The following NXPH1 variants were observed in gnomAD, a reference collection of about 807,000 sequenced individuals.
NXPH1 encodes neurexophilin-1.
NXPH1 carries 5 observed loss-of-function variants against 23.7 expected under a neutral mutation model. That is an observed-to-expected ratio of 0.21 (90% CI 0.11 to 0.44). The LOEUF is 0.44. Ranked by LOEUF, NXPH1 falls within the 20% of genes least tolerant of loss-of-function variation. The probability of loss-of-function intolerance (pLI) is 0.99; values close to 1 mark genes in which losing one functional copy is unlikely to be tolerated. For synonymous variants in NXPH1, 144 were observed against 122.2 expected (o/e 1.18, Z -1.18); for missense variants, 324 against 321.6 (o/e 1.01, Z -0.06).
intron 2 of NXPH1, chr7:8,690,447 G>C (rs1396521333): frequency 6.6e-6 from 1 of 152,112 alleles, no homozygotes; most frequent in Non-Finnish European, 1.5e-5. Flanking sequence ...TCTATGATTA[G>C]TATTTTTAGT....
At chr7:8,548,930 G>C (rs1031202907) in intron 2 of NXPH1, among the ~76,000 whole-genome samples, 3 of 151,580 alleles carry the variant, frequency 2.0e-5, no homozygotes. Context: ...TTAAATGGTA[G>C]TTAAGATTCA....
chr7:8,525,143 G>A (rs1259600929), intron 2 of NXPH1, among the ~76,000 whole-genome samples: 1 of 152,194 alleles, frequency 6.6e-6, no homozygotes, highest in Non-Finnish European at 1.5e-5. Context: ...TTAGGGTGAG[G>A]TGGTCTCAGA....
intron 2 of NXPH1, among the ~76,000 whole-genome samples, chr7:8,717,885 T>C (rs1779902532): frequency 9.9e-6 from 1 of 101,348 alleles, no homozygotes; most frequent in South Asian, 3.6e-4. Flanking sequence ...TGTATTCTTC[T>C]CTCTGTGTGT....
At chr7:8,541,818 A>G (rs1384789032) in intron 2 of NXPH1, among the ~76,000 whole-genome samples, 1 of 151,668 alleles carries the variant, frequency 6.6e-6, no homozygotes, top group Non-Finnish European at 1.5e-5. Context: ...TGATAAGTTA[A>G]AGATGTATAG....
chr7:8,518,386 T>C (rs950076075), intron 2 of NXPH1, among the ~76,000 whole-genome samples: 1 of 152,166 alleles, frequency 6.6e-6, no homozygotes, highest in Non-Finnish European at 1.5e-5. Flanking sequence ...ATTTTCAAGG[T>C]ATTTTATTAT....
At chr7:8,599,472 A>G (rs2128627040) in intron 2 of NXPH1, among the ~76,000 whole-genome samples, 1 of 151,946 alleles carries the variant, frequency 6.6e-6, no homozygotes, top group Admixed American at 6.6e-5. Flanking sequence ...ATAGTATTCA[A>G]TTTTCTTGGC....
At chr7:8,492,667 C>G (rs1040476795) in intron 2 of NXPH1, among the ~76,000 whole-genome samples, 3 of 151,964 alleles carry the variant, frequency 2.0e-5, no homozygotes, top group African/African-American at 7.2e-5. Flanking sequence ...ATCATCATCA[C>G]TGCTATGACA....
chr7:8,646,083 T>C lies in NXPH1; in HGVS notation c.55-104925T>C, dbSNP rs566100667. Among the ~76,000 whole-genome samples the C allele has an allele frequency of 1.6e-4, 25 of 152,280 alleles. No individual in the cohort carries two copies. The South Asian group carries it at 3.1e-3, about 19-fold the overall frequency. The stretch of plus-strand genomic sequence containing the variant: ...ATTAATGAATTTTGAAAAATTGACA[T>C]CTTTTACATATTATCATCCTATCCA... On this transcript the variant is annotated intron_variant, in intron 2 of 2. Transcript: ENST00000405863.
At chr7:8,538,282 C>A (rs1268689143) in intron 2 of NXPH1, among the ~76,000 whole-genome samples, 3 of 151,884 alleles carry the variant, frequency 2.0e-5, no homozygotes, top group Non-Finnish European at 4.4e-5. Flanking sequence ...GGCATACAAG[C>A]CATTCATTTT....
chr7:8,539,191 GCAC>G (rs1818073071), intron 2 of NXPH1, among the ~76,000 whole-genome samples: 1 of 151,826 alleles, frequency 6.6e-6, no homozygotes, highest in Middle Eastern at 3.2e-3. Flanking sequence ...CTGAAGAAAA[GCAC>G]CACTATCAGC....
Position 8,656,826 on chromosome 7 carries a change from CAAT to C in NXPH1, c.55-94181_55-94179del, listed in dbSNP as rs560325027. 2.0e-4 allele frequency among the ~76,000 whole-genome samples: 30 copies of C among 152,176 alleles called. No homozygotes were observed. The East Asian group carries it at 3.9e-3, about 20-fold the overall frequency. On this transcript the variant is annotated intron_variant, in intron 2 of 2. Transcript: ENST00000405863. Reference sequence around the variant, plus strand: ...TTTTGTTCTTGCGATATTTTACTGACAATGATGATTTCCAATTTCATCCATGTC... The same window carrying C: ...TTTTGTTCTTGCGATATTTTACTGACGATGATTTCCAATTTCATCCATGTC...
chr7:8,472,611 G>A (rs1263110260), intron 2 of NXPH1, among the ~76,000 whole-genome samples: 1 of 152,126 alleles, frequency 6.6e-6, no homozygotes, highest in African/African-American at 2.4e-5. Context: ...CAATTTCCTG[G>A]TAGGGAAGAG....
chr7:8,524,340 C>T (rs1050850572), intron 2 of NXPH1, among the ~76,000 whole-genome samples: 1 of 151,076 alleles, frequency 6.6e-6, no homozygotes, highest in African/African-American at 2.4e-5. Context: ...CAATATATAT[C>T]CTCTTAAGGC....
At chr7:8,496,460 C>G (rs998530982) in intron 2 of NXPH1, among the ~76,000 whole-genome samples, 12 of 152,016 alleles carry the variant, frequency 7.9e-5, no homozygotes, top group African/African-American at 2.7e-4. Flanking sequence ...TAATTTACAG[C>G]AATAGTAATT....
intron 2 of NXPH1, among the ~76,000 whole-genome samples, chr7:8,523,132 T>C (rs144936724): frequency 6.6e-6 from 1 of 152,240 alleles, no homozygotes; most frequent in African/African-American, 2.4e-5. Context: ...TGAGTGGATA[T>C]AACCAGTAAT....
chr7:8,492,783 G>C (rs990037026), intron 2 of NXPH1, among the ~76,000 whole-genome samples: 3 of 151,964 alleles, frequency 2.0e-5, no homozygotes, highest in African/African-American at 7.2e-5. Flanking sequence ...TAATGCCATG[G>C]AAATTGTTCT....
chr7:8,483,233 T>C (rs1419447888), intron 2 of NXPH1, among the ~76,000 whole-genome samples: 4 of 152,228 alleles, frequency 2.6e-5, no homozygotes, highest in Non-Finnish European at 5.9e-5. Context: ...GCTTATAATA[T>C]CTTGGTTGTT....
chr7:8,692,298 A>G (rs1265166161), intron 2 of NXPH1, among the ~76,000 whole-genome samples: 3 of 152,174 alleles, frequency 2.0e-5, no homozygotes. Flanking sequence ...CCACACACGT[A>G]AGCCAGAAAG....
chr7:8,587,370 T>C (rs1819000663), intron 2 of NXPH1, among the ~76,000 whole-genome samples: 1 of 151,994 alleles, frequency 6.6e-6, no homozygotes, highest in Non-Finnish European at 1.5e-5. Context: ...GGCTATTTAC[T>C]ACAGTGATCA....
Sources: allele counts gnomAD v4.1 joint callset (sites outside exome capture counted in the v4.1 genomes callset), GRCh38; gene constraint gnomAD v4.1.1; transcripts MANE v1.5; gene names NCBI Gene and HGNC (gene_info 2026-07-23, HGNC 2026-07-21).